SLC25A34: variants seen among roughly 807,000 people sequenced by gnomAD.
The protein encoded by SLC25A34 is solute carrier family 25, member 34.
A neutral mutation model predicts 28.1 loss-of-function variants in SLC25A34; 26 were observed. The ratio of observed to expected loss-of-function variants is 0.93; its 90% CI spans 0.68 to 1.28. The LOEUF is 1.28. SLC25A34 is among the 50% of genes most tolerant of loss of function. The pLI is 0.00. For missense variants in SLC25A34, 384 were observed against 409.8 expected (o/e 0.94, Z 0.54); for synonymous variants, 182 against 182.2 (o/e 1.00, Z 0.01).
At position 15,738,627 on chromosome 1, in the gene SLC25A34, G is replaced by A; in HGVS notation, c.631G>A (p.Ala211Thr). 6.2e-7 allele frequency: 1 copy of A among 1,607,666 alleles called. No individual in the cohort carries two copies. Among genetic ancestry groups the A allele is most frequent in the South Asian group, 1.1e-5 (1 of 90,472 alleles). Residue 211 changes from alanine to threonine, a missense_variant, in exon 4 of 5, where the codon GCT (alanine) becomes ACT (threonine). By Grantham distance (58) the Ala-to-Thr change is moderately conservative. Coordinates refer to ENST00000294454, the MANE Select transcript of SLC25A34 (RefSeq NM_207348.3). The stretch of plus-strand genomic sequence containing the variant: ...TGAGGACAGCTGGCTGGTGGCCCTG[G>A]CTGGGGGCATGATCAGCAGCATAGC... ...LPEDSWLVAL[A>T]GGMISSIAVV...
rs756521763 is a variant in SLC25A34, at chr1:15,739,441, G to A, written c.*35G>A. The A allele has an allele frequency of 1.1e-5, 16 of 1,487,040 alleles. No homozygotes were observed. In the South Asian group the frequency reaches 1.1e-4, roughly 10 times the overall value. The allele number at this position is 1,487,040 out of a possible 1,614,324, so 92.1% of individuals were successfully genotyped here. Reference sequence around the variant, plus strand: ...CTCACCCCCACGTCCTGACACGGCCGGCACTTGGCCGGAAGTGAGAGCCTG... The same window carrying A: ...CTCACCCCCACGTCCTGACACGGCCAGCACTTGGCCGGAAGTGAGAGCCTG... On this transcript the variant is annotated 3_prime_UTR_variant, in exon 5 of 5. Transcript: ENST00000294454.
chr1:15,738,541 C>A, intron 3 of SLC25A34, 53 bp from the exon 4 acceptor site: 2 of 1,568,700 alleles, frequency 1.3e-6, no homozygotes, highest in Middle Eastern at 2.3e-4. Flanking sequence ...GAGGGCACGA[C>A]GTGGGTGGGT....
At chr1:15,738,862 T>C (rs940519017) in intron 4 of SLC25A34, 134 bp downstream of exon 4, 9 of 1,205,012 alleles carry the variant, frequency 7.5e-6, no homozygotes, top group Non-Finnish European at 9.9e-6. Context: ...AGGCCAGGTA[T>C]GCAAACACAT....
intron 4 of SLC25A34, 93 bp downstream of exon 4, chr1:15,738,821 C>G: frequency 9.4e-7 from 1 of 1,061,832 alleles, no homozygotes; most frequent in Non-Finnish European, 1.3e-6. Flanking sequence ...CACTCACACT[C>G]ACACATGCAC....
chr1:15,736,492 A>G lies in SLC25A34; in HGVS notation c.7A>G (p.Thr3Ala). 6.9e-7 allele frequency: 1 copy of G among 1,446,026 alleles called. No homozygotes were observed. Among genetic ancestry groups the G allele is most frequent in the Admixed American group, 2.8e-5 (1 of 35,210 alleles). 89.6% of individuals were successfully genotyped at this position (1,446,026 alleles called of 1,614,324 possible). Residue 3 changes from threonine (T) to alanine (A), a missense_variant, in exon 1 of 5, where the codon ACG becomes GCG. Coordinates refer to ENST00000294454, the MANE Select transcript of SLC25A34 (RefSeq NM_207348.3). ...GGCCACTGGCCCGGAGGCCATGGAGACGGTGCCCCCAGCAGTGGACCTGGT... is the reference window on the plus strand; with the variant it reads ...GGCCACTGGCCCGGAGGCCATGGAGGCGGTGCCCCCAGCAGTGGACCTGGT... Reference protein sequence around the residue: METVPPAVDLVLG... With the variant: MEAVPPAVDLVLG...
At position 15,737,855 on chromosome 1, in the gene SLC25A34, G is replaced by A. The variant is rs78449146; in HGVS notation, c.379-74G>A. The A allele has an allele frequency of 2.8e-5, 43 of 1,544,196 alleles. No individual in the cohort carries two copies. In the African/African-American group the frequency reaches 4.1e-4, roughly 15 times the overall value. ...AGTTTCAGGGGCACGGGGGCAGGGC[G>A]CCCTCAACACACACAGCTCACCCTG... On this transcript the variant is annotated intron_variant, in intron 1 of 4. Transcript: ENST00000294454.
chr1:15,739,526 G>A lies in SLC25A34; in HGVS notation c.*120G>A, dbSNP rs957063059. On this transcript the variant is annotated 3_prime_UTR_variant, in exon 5 of 5. Coordinates refer to ENST00000294454, the MANE Select transcript of SLC25A34 (RefSeq NM_207348.3). ...GGGCCCAGGCCCTGCCAGAGGTCCCGGGAGAGTGTGGACAGCTCTGGTCCA... is the reference window on the plus strand; with the variant it reads ...GGGCCCAGGCCCTGCCAGAGGTCCCAGGAGAGTGTGGACAGCTCTGGTCCA... 1.5e-5 allele frequency: 18 copies of A among 1,222,686 alleles called. No homozygotes were observed. Among genetic ancestry groups the A allele is most frequent in the South Asian group, 3.4e-5 (2 of 59,000 alleles). 75.7% of individuals were successfully genotyped at this position (1,222,686 alleles called of 1,614,324 possible). A position where few individuals can be genotyped will look rare whatever the true frequency, so the allele number is the denominator to read the frequency against.
intron 4 of SLC25A34, 139 bp from the exon 5 acceptor site, chr1:15,739,085 C>T (rs527461054): frequency 3.4e-5 from 38 of 1,116,548 alleles, no homozygotes; most frequent in South Asian, 3.4e-5. Context: ...CCCATGGCGC[C>T]GCAGCCTCAC....
Position 15,738,642 on chromosome 1 carries a change from A to C in SLC25A34, c.646A>C (p.Ser216Arg), listed in dbSNP as rs769305957. 4 of 1,609,550 alleles carry C rather than the reference A, an allele frequency of 2.5e-6. No homozygotes were observed. Among genetic ancestry groups the C allele is most frequent in the Non-Finnish European group, 3.4e-6 (4 of 1,179,074 alleles). ...WLVALAGGMI[S>R]SIAVVVVMTP... ...GGTGGCCCTGGCTGGGGGCATGATC[A>C]GCAGCATAGCCGTGGTTGTCGTCAT... The change falls in exon 4 of 5, where the codon AGC becomes CGC. Residue 216 changes from serine (S) to arginine (R), a missense_variant. Ser to Arg is a moderately radical substitution (Grantham distance 110, BLOSUM62 -1). Transcript: ENST00000294454.
In SLC25A34 at chr1:15,741,340, A is replaced by G. The variant is rs888143761; in HGVS notation, c.*1934A>G. 1 of 152,718 alleles carries G rather than the reference A, an allele frequency of 6.5e-6. No homozygotes were observed. The highest frequency in any genetic ancestry group is 1.5e-5 in the Non-Finnish European group (1 of 68,152). 9.5% of individuals were successfully genotyped at this position (152,718 alleles called of 1,614,324 possible). The stretch of plus-strand genomic sequence containing the variant: ...GTCTGTAAGGGCCGCTCCCAGGAAC[A>G]CCTGCTACTGCACACTCCAAACCAA... On this transcript the variant is annotated 3_prime_UTR_variant, in exon 5 of 5. Coordinates refer to ENST00000294454, the MANE Select transcript of SLC25A34 (RefSeq NM_207348.3).
chr1:15,737,583 G>GGAAA (rs1459923383), intron 1 of SLC25A34, among the ~76,000 whole-genome samples: 1 of 147,782 alleles, frequency 6.8e-6, no homozygotes, highest in African/African-American at 2.6e-5. Flanking sequence ...AAAAAAAAAA[G>GGAAA]GAAAGAAAGA....
Position 15,739,558 on chromosome 1 carries a change from C to T in SLC25A34, c.*152C>T, listed in dbSNP as rs76700094. ...TGTGGACAGCTCTGGTCCATCCAGCCCCTTGGCCCACCCAGGTCCAGAGCA... is the reference window on the plus strand; with the variant it reads ...TGTGGACAGCTCTGGTCCATCCAGCTCCTTGGCCCACCCAGGTCCAGAGCA... On this transcript the variant is annotated 3_prime_UTR_variant, in exon 5 of 5. Coordinates refer to ENST00000294454, the MANE Select transcript of SLC25A34 (RefSeq NM_207348.3). The T allele has an allele frequency of 1.9e-5, 16 of 835,974 alleles. No homozygotes were observed. In the East Asian group the frequency reaches 2.6e-4, roughly 13 times the overall value. 51.8% of individuals were successfully genotyped at this position (835,974 alleles called of 1,614,324 possible).
rs2068260546 is a variant in SLC25A34 at position 15,739,470 on chromosome 1, C to T, written c.*64C>T. On this transcript the variant is annotated 3_prime_UTR_variant, in exon 5 of 5. Coordinates refer to ENST00000294454, the MANE Select transcript of SLC25A34 (RefSeq NM_207348.3). The stretch of plus-strand genomic sequence containing the variant: ...CTTGGCCGGAAGTGAGAGCCTGCTC[C>T]AGGACAACTGGCTGTCCCGGGGCGG... 2 of 1,475,796 alleles carry T rather than the reference C, an allele frequency of 1.4e-6. No individual in the cohort carries two copies. The highest frequency in any genetic ancestry group is 1.4e-5 in the African/African-American group (1 of 69,716). The allele number at this position is 1,475,796 out of a possible 1,614,324, so 91.4% of individuals were successfully genotyped here. A position where few individuals can be genotyped will look rare whatever the true frequency, so the allele number is the denominator to read the frequency against.
At chr1:15,737,163 T>C (rs1169512085) in intron 1 of SLC25A34, among the ~76,000 whole-genome samples, 4 of 152,222 alleles carry the variant, frequency 2.6e-5, no homozygotes, top group Non-Finnish European at 5.9e-5. Context: ...CCGCATGGCC[T>C]CATGTACGAT....
chr1:15,736,494 G>T lies in SLC25A34; in HGVS notation c.9G>T (p.Thr3=). ...CCACTGGCCCGGAGGCCATGGAGAC[G>T]GTGCCCCCAGCAGTGGACCTGGTGC... ME[T]VPPAVDLVLG... The change falls in exon 1 of 5, where the codon ACG becomes ACT. Residue 3 remains threonine, a synonymous_variant. Transcript: ENST00000294454. 1 of 1,446,100 alleles carries T rather than the reference G, an allele frequency of 6.9e-7. No homozygotes were observed. Among genetic ancestry groups the T allele is most frequent in the East Asian group, 2.6e-5 (1 of 38,674 alleles). 89.6% of individuals were successfully genotyped at this position (1,446,100 alleles called of 1,614,324 possible). A position where few individuals can be genotyped will look rare whatever the true frequency, so the allele number is the denominator to read the frequency against.
At position 15,738,103 on chromosome 1, in the gene SLC25A34, G is replaced by T. The variant is rs1203272349; in HGVS notation, c.455G>T (p.Gly152Val). Residue 152 changes from glycine (G) to valine (V), a missense_variant, in exon 3 of 5, where the codon GGT becomes GTT. Physicochemically the swap from Gly to Val is moderately radical, Grantham distance 109. Coordinates refer to ENST00000294454, the MANE Select transcript of SLC25A34 (RefSeq NM_207348.3). ...GHQHNHQTVL[G>V]ALETIWRQQG... Reference sequence around the variant, plus strand: ...GCCCTCTCCCCACAGACTGTCCTGGGTGCCTTGGAGACCATCTGGCGGCAG... The same window carrying T: ...GCCCTCTCCCCACAGACTGTCCTGGTTGCCTTGGAGACCATCTGGCGGCAG... The T allele has an allele frequency of 6.2e-7, 1 of 1,607,470 alleles. No homozygotes were observed. Among genetic ancestry groups the T allele is most frequent in the South Asian group, 1.1e-5 (1 of 90,392 alleles).
chr1:15,736,669 C>T lies in SLC25A34; in HGVS notation c.184C>T (p.Arg62Ter), dbSNP rs774915692. Residue 62 changes from arginine (R) to a stop codon, truncating the protein, a stop_gained, in exon 1 of 5, where the codon CGA becomes TGA. Transcript: ENST00000294454. LOFTEE classifies it high-confidence loss of function. The stretch of plus-strand genomic sequence containing the variant: ...CATAGCCTCTGTCGCTGCTGTGGCC[C>T]GAGCAGACGGGCTGTGGGGCCTGCA... ...GFIASVAAVARADGLWGLQKG... is the reference protein window; with the variant it reads ...GFIASVAAVA 17 of 1,603,594 alleles carry T rather than the reference C, an allele frequency of 1.1e-5. No individual in the cohort carries two copies. The highest frequency in any genetic ancestry group is 3.4e-5 in the Admixed American group (2 of 58,184).
Position 15,738,174 on chromosome 1 carries a change from C to T in SLC25A34, c.526C>T (p.Arg176Ter), listed in dbSNP as rs768286992. 4.5e-5 allele frequency: 72 copies of T among 1,607,436 alleles called. No individual in the cohort carries two copies. Among genetic ancestry groups the T allele is most frequent in the South Asian group, 7.8e-5 (7 of 90,172 alleles). ...GCAGGGCGTTGGTGGGGCTGTGCCC[C>T]GAGTCATGGTGGGCTCAGCTGCCCA... ...LWQGVGGAVP[R>*]VMVGSAAQLA... The change falls in exon 3 of 5, where the codon CGA becomes TGA. Residue 176 changes from arginine (R) to a stop codon, truncating the protein, a stop_gained. Coordinates refer to ENST00000294454, the MANE Select transcript of SLC25A34 (RefSeq NM_207348.3). LOFTEE classifies it high-confidence loss of function.
rs1006992444 is a variant in SLC25A34 at position 15,736,482 on chromosome 1, G to C, written c.-4G>C. 3 of 1,444,294 alleles carry C rather than the reference G, an allele frequency of 2.1e-6. No individual in the cohort carries two copies. Among genetic ancestry groups the C allele is most frequent in the Non-Finnish European group, 2.7e-6 (3 of 1,100,308 alleles). The allele number at this position is 1,444,294 out of a possible 1,614,324, so 89.5% of individuals were successfully genotyped here. A position where few individuals can be genotyped will look rare whatever the true frequency, so the allele number is the denominator to read the frequency against. On this transcript the variant is annotated 5_prime_UTR_variant, in exon 1 of 5. Coordinates refer to ENST00000294454, the MANE Select transcript of SLC25A34 (RefSeq NM_207348.3). ...GGGCACAGAAGGCCACTGGCCCGGA[G>C]GCCATGGAGACGGTGCCCCCAGCAG... is the stretch of plus-strand genomic sequence containing the variant.
Sources: allele counts gnomAD v4.1 joint callset (sites outside exome capture counted in the v4.1 genomes callset), GRCh38; gene constraint gnomAD v4.1.1; transcripts MANE v1.5; gene names NCBI Gene and HGNC (gene_info 2026-07-23, HGNC 2026-07-21).